The following ARHGAP18 variants were observed in gnomAD, a reference collection of about 807,000 sequenced individuals.
ARHGAP18 encodes Rho GTPase activating protein 18, also known as rho GTPase-activating protein 18.
A neutral mutation model predicts 86.2 loss-of-function variants in ARHGAP18; 67 were observed. The ratio of observed to expected loss-of-function variants is 0.78; its 90% confidence interval spans 0.64 to 0.95. The LOEUF is 0.95. Ranked by LOEUF, ARHGAP18 falls within the 40% of genes least tolerant of loss-of-function variation. The pLI is 0.00. For synonymous variants in ARHGAP18, 283 were observed against 280.4 expected, an observed-to-expected ratio of 1.01 and a Z score of -0.09; for missense variants, 691 against 780.4, an observed-to-expected ratio of 0.89 and a Z score of 1.37.
chr6:129,686,967 CT>C (rs755926635), intron 1 of ARHGAP18, among the ~76,000 whole-genome samples: 82 of 72,506 alleles, frequency 1.1e-3, no homozygotes, highest in Non-Finnish European at 2.0e-3. Flanking sequence ...ATTTTTTTTT[CT>C]TTTTTTTTTC....
intron 5 of ARHGAP18, among the ~76,000 whole-genome samples, chr6:129,625,324 T>A (rs1789366260): frequency 1.2e-5 from 1 of 83,154 alleles, no homozygotes; most frequent in Non-Finnish European, 2.0e-5. Flanking sequence ...GTAATATATA[T>A]GATATATGAT....
At position 129,701,421 on chromosome 6, in the gene ARHGAP18, G is replaced by T. The variant is rs1774708608; in HGVS notation, c.113+8603C>A. The stretch of plus-strand genomic sequence containing the variant: ...CAAGCCAGATCATAAGCTGCCTGGG[G>T]TTGTACTATGGCCTGTTCAAAAAGA... On this transcript the variant is annotated intron_variant, in intron 1 of 14. Transcript: ENST00000368149. Among the ~76,000 whole-genome samples the T allele has an allele frequency of 3.9e-5, 6 of 152,186 alleles. No individual in the cohort carries two copies. The South Asian group carries it at 1.2e-3, about 32-fold the overall frequency.
intron 10 of ARHGAP18, among the ~76,000 whole-genome samples, chr6:129,601,705 C>T (rs1391124859): frequency 6.6e-6 from 1 of 151,092 alleles, no homozygotes; most frequent in Non-Finnish European, 1.5e-5. Flanking sequence ...TAGCTCACTA[C>T]AGCCTCAAAC....
At chr6:129,672,706 C>T (rs551775470) in intron 1 of ARHGAP18, among the ~76,000 whole-genome samples, 1 of 152,314 alleles carries the variant, frequency 6.6e-6, no homozygotes, top group East Asian at 1.9e-4. Flanking sequence ...AATAATTAGG[C>T]AATAAATAAT....
chr6:129,671,039 T>C (rs568525742), intron 1 of ARHGAP18, among the ~76,000 whole-genome samples: 7 of 152,326 alleles, frequency 4.6e-5, no homozygotes, highest in South Asian at 4.1e-4. Context: ...TTAGAAGCCA[T>C]GGACACCCTC....
chr6:129,678,999 T>C (rs998255082), intron 1 of ARHGAP18, among the ~76,000 whole-genome samples: 1 of 152,210 alleles, frequency 6.6e-6, no homozygotes, highest in Non-Finnish European at 1.5e-5. Context: ...TAAACTCTTT[T>C]GGCTTCAATG....
intron 10 of ARHGAP18, among the ~76,000 whole-genome samples, chr6:129,604,963 A>G (rs1388085348): frequency 2.0e-5 from 3 of 152,304 alleles, no homozygotes; most frequent in Non-Finnish European, 4.4e-5. Context: ...ATTACAGGAA[A>G]AAAATTCCAA....
At chr6:129,589,343 T>C (rs1788464922) in intron 12 of ARHGAP18, among the ~76,000 whole-genome samples, 1 of 152,136 alleles carries the variant, frequency 6.6e-6, no homozygotes, top group African/African-American at 2.4e-5. Flanking sequence ...GTTCCACAGA[T>C]CTCTAGGGCA....
intron 6 of ARHGAP18, 85 bp downstream of exon 6, chr6:129,618,602 C>CT (rs1789143978): frequency 1.5e-6 from 2 of 1,310,016 alleles, no homozygotes; most frequent in South Asian, 3.1e-5. Context: ...GGTGTTTTCC[C>CT]TGTCTCCCAG....
intron 1 of ARHGAP18, among the ~76,000 whole-genome samples, chr6:129,689,023 A>G (rs1019406835): frequency 9.2e-5 from 14 of 152,128 alleles, no homozygotes; most frequent in African/African-American, 3.1e-4. Flanking sequence ...ATTCTTTAGC[A>G]TGCAAAACGT....
intron 1 of ARHGAP18, among the ~76,000 whole-genome samples, chr6:129,685,825 G>C (rs1774414758): frequency 6.6e-6 from 1 of 151,678 alleles, no homozygotes; most frequent in Non-Finnish European, 1.5e-5. Context: ...GTTAATACTT[G>C]AGTTCCCAGA....
chr6:129,598,472 A>G (rs1463791167), intron 12 of ARHGAP18, among the ~76,000 whole-genome samples: 6 of 152,202 alleles, frequency 3.9e-5, no homozygotes, highest in African/African-American at 9.6e-5. Flanking sequence ...TGGTGGTGGT[A>G]GTAGGGAGGA....
chr6:129,650,377 T>C (rs964931131), intron 1 of ARHGAP18, among the ~76,000 whole-genome samples: 1 of 152,176 alleles, frequency 6.6e-6, no homozygotes, highest in African/African-American at 2.4e-5. Flanking sequence ...CCTTTTTAGA[T>C]ACAGACACAA....
intron 1 of ARHGAP18, among the ~76,000 whole-genome samples, chr6:129,650,911 G>T (rs1773698061): frequency 6.6e-6 from 1 of 152,094 alleles, no homozygotes; most frequent in African/African-American, 2.4e-5. Flanking sequence ...GAATAAGCTT[G>T]CTTCTGCAGC....
intron 1 of ARHGAP18, among the ~76,000 whole-genome samples, chr6:129,666,268 C>T (rs1454575407): frequency 6.6e-6 from 1 of 152,184 alleles, no homozygotes; most frequent in Non-Finnish European, 1.5e-5. Context: ...CAGCAAAGCT[C>T]CGAAAGTAGA....
chr6:129,680,153 G>A (rs780345036), intron 1 of ARHGAP18, among the ~76,000 whole-genome samples: 6 of 152,030 alleles, frequency 3.9e-5, no homozygotes, highest in Non-Finnish European at 8.8e-5. Context: ...TTCCAAATAA[G>A]TTCACATTCA....
intron 1 of ARHGAP18, among the ~76,000 whole-genome samples, chr6:129,661,512 GA>G (rs57799426): frequency 1.1e-3 from 150 of 136,368 alleles, no homozygotes; most frequent in South Asian, 1.4e-3. Flanking sequence ...CTCTTTAAAT[GA>G]AAAAAAAAAA....
chr6:129,629,613 G>A, intron 4 of ARHGAP18, 91 bp from the exon 5 acceptor site: 1 of 1,343,708 alleles, frequency 7.4e-7, no homozygotes, highest in Non-Finnish European at 1.0e-6. Context: ...AAACATTTGG[G>A]AAGAGTACTA....
rs778546389 is a variant in ARHGAP18 at position 129,599,243 on chromosome 6, A to G, written c.1686T>C (p.Tyr562=). ...LKKMAYDREK[Y]EKQDKSTNDA... is the part of the protein sequence containing the mutation. ...CATTTGTACTCTTATCTTGCTTTTC[A>G]TATTTTTCTCGGTCATAAGCCATTT... The change falls in exon 12 of 15, where the codon TAT becomes TAC. Residue 562 remains tyrosine (Y), a synonymous_variant. Coordinates refer to ENST00000368149, the MANE Select transcript of ARHGAP18 (RefSeq NM_033515.3). 2 of 1,585,104 alleles carry G rather than the reference A, an allele frequency of 1.3e-6. No individual in the cohort carries two copies. The highest frequency in any genetic ancestry group is 1.7e-6 in the Non-Finnish European group (2 of 1,170,116).
Sources: gnomAD v4.1 joint callset for allele counts (sites outside exome capture counted in the v4.1 genomes callset) on GRCh38, gnomAD v4.1.1 for gene constraint, MANE v1.5 for transcripts, NCBI Gene and HGNC (gene_info 2026-07-23, HGNC 2026-07-21) for gene names.